The following DNAH11 variants were observed in gnomAD, a reference collection of about 807,000 sequenced individuals.
DNAH11 encodes dynein axonemal heavy chain 11.
DNAH11 carries 442 observed loss-of-function variants against 526.0 expected under a neutral mutation model. The ratio of observed to expected loss-of-function variants is 0.84; its 90% CI spans 0.78 to 0.91. The LOEUF is 0.91. Ranked by LOEUF, DNAH11 falls within the 40% of genes least tolerant of loss-of-function variation. The pLI, the probability that DNAH11 is intolerant of heterozygous loss-of-function variation, is 0.00. For synonymous variants in DNAH11, 2,461 were observed against 1,935.9 expected (o/e 1.27, Z -7.12); for missense variants, 6,989 against 5,448.7 (o/e 1.28, Z -8.90).
chr7:21,545,306 A>G (rs1038041337), intron 2 of DNAH11, among the ~76,000 whole-genome samples, 157 bp downstream of exon 2: 2 of 128,334 alleles, frequency 1.6e-5, no homozygotes, highest in Non-Finnish European at 3.3e-5. Flanking sequence ...AGCTTGTAGA[A>G]GCCAGGAGTC....
In DNAH11 at chr7:21,852,423, A is replaced by AAG. The variant is rs1554288666; in HGVS notation, c.10897-44_10897-43insAG. The AAG allele has an allele frequency of 2.6e-6, 4 of 1,541,728 alleles. No homozygotes were observed. The South Asian group carries it at 3.7e-5, about 14-fold the overall frequency. On this transcript the variant is annotated intron_variant, in intron 66 of 81. Coordinates refer to ENST00000409508, the MANE Select transcript of DNAH11 (RefSeq NM_001277115.2). ...CTTCCTCTAAAAAAAAAAAAAAAAA[A>AAG]GTACTTAACCACCATTTCCCACACT...
At chr7:21,602,231 C>G (rs535937369) in intron 18 of DNAH11, among the ~76,000 whole-genome samples, 6 of 152,008 alleles carry the variant, frequency 3.9e-5, no homozygotes, top group Non-Finnish European at 8.8e-5. Context: ...TCCACCTACT[C>G]AGGAGGCTGA....
chr7:21,876,370 T>C (rs1006723759), intron 74 of DNAH11, among the ~76,000 whole-genome samples: 2 of 152,250 alleles, frequency 1.3e-5, no homozygotes, highest in African/African-American at 4.8e-5. Context: ...TAGAGTCTTT[T>C]ATGAATGCTG....
At chr7:21,753,422 T>G (rs1287591084) in intron 54 of DNAH11, among the ~76,000 whole-genome samples, 2 of 152,194 alleles carry the variant, frequency 1.3e-5, no homozygotes, top group African/African-American at 4.8e-5. Flanking sequence ...TGGAATAGTT[T>G]TAAAAAGGAG....
chr7:21,850,104 C>T (rs1391619226), intron 66 of DNAH11, among the ~76,000 whole-genome samples: 1 of 151,634 alleles, frequency 6.6e-6, no homozygotes, highest in Admixed American at 6.6e-5. Context: ...CGCCTGTAAT[C>T]CCAGCACTTT....
intron 62 of DNAH11, among the ~76,000 whole-genome samples, chr7:21,804,068 T>C (rs1789130149): frequency 6.8e-6 from 1 of 147,532 alleles, no homozygotes; most frequent in Non-Finnish European, 1.5e-5. Flanking sequence ...TAGCCTCATT[T>C]CTTGTAGTAG....
intron 74 of DNAH11, among the ~76,000 whole-genome samples, chr7:21,878,211 G>T (rs1783791361): frequency 6.6e-6 from 1 of 152,196 alleles, no homozygotes. Context: ...TCTTCAGAAA[G>T]CCTGATTCAT....
intron 63 of DNAH11, 66 bp from the exon 64 acceptor site, chr7:21,816,401 C>G: frequency 7.6e-7 from 1 of 1,313,404 alleles, no homozygotes; most frequent in Non-Finnish European, 1.1e-6. Flanking sequence ...TTGTTCTCTT[C>G]TTTTCTTGTC....
chr7:21,668,903 A>G (rs953800000), intron 30 of DNAH11, among the ~76,000 whole-genome samples: 2 of 152,174 alleles, frequency 1.3e-5, no homozygotes, highest in African/African-American at 4.8e-5. Flanking sequence ...CATTTAAGAA[A>G]CAGTCAAACA....
At chr7:21,567,062 C>G (rs1391522718) in intron 6 of DNAH11, among the ~76,000 whole-genome samples, 1 of 152,140 alleles carries the variant, frequency 6.6e-6, no homozygotes, top group Non-Finnish European at 1.5e-5. Flanking sequence ...AGGGTACAAT[C>G]TTTTCATGGC....
In DNAH11 at chr7:21,825,770, G is replaced by A. The variant is rs138058216; in HGVS notation, c.10691+7431G>A. Among the ~76,000 whole-genome samples, 1,480 of 151,970 alleles carry A rather than the reference G, an allele frequency of 9.7e-3. 28 individuals carry two copies. Among genetic ancestry groups the A allele is most frequent in the African/African-American group, 0.033 (1,367 of 41,448 alleles). On this transcript the variant is annotated intron_variant, in intron 65 of 81. Transcript: ENST00000409508. ...GTCAGGAGATCGAGACCAACCTGGC[G>A]AACACGGTGAAACCCCTTCTCTACT...
chr7:21,829,606 T>A (rs1207526788), intron 65 of DNAH11, among the ~76,000 whole-genome samples: 6 of 152,236 alleles, frequency 3.9e-5, no homozygotes, highest in Non-Finnish European at 5.9e-5. Context: ...TGGTGTTTGT[T>A]CAGGTACTCA....
At chr7:21,790,017 C>T (rs115386273) in intron 61 of DNAH11, among the ~76,000 whole-genome samples, 1,969 of 150,516 alleles carry the variant, frequency 0.013, 33 homozygotes, top group African/African-American at 0.04. Context: ...CAACCAATCA[C>T]CTAGGTATTA....
chr7:21,669,967 A>G (rs1315063251), intron 30 of DNAH11, among the ~76,000 whole-genome samples: 2 of 152,062 alleles, frequency 1.3e-5, no homozygotes, highest in East Asian at 3.8e-4. Flanking sequence ...TTTTATATAT[A>G]CCTTCCAACT....
At chr7:21,559,469 C>T in intron 3 of DNAH11, 134 bp from the exon 4 acceptor site, 1 of 734,758 alleles carries the variant, frequency 1.4e-6, no homozygotes, top group Non-Finnish European at 2.2e-6. Context: ...CAAATCAAGA[C>T]CATAAAAATA....
chr7:21,857,996 A>G (rs992940673), intron 68 of DNAH11, among the ~76,000 whole-genome samples: 9 of 151,424 alleles, frequency 5.9e-5, no homozygotes, highest in Non-Finnish European at 8.8e-5. Flanking sequence ...GCCACAGACA[A>G]GCAAAGACAA....
intron 66 of DNAH11, among the ~76,000 whole-genome samples, chr7:21,850,055 G>A (rs1216229727): frequency 6.7e-6 from 1 of 150,136 alleles, no homozygotes; most frequent in Non-Finnish European, 1.5e-5. Context: ...TTACTCATGA[G>A]CCCGTCAAAA....
At chr7:21,761,444 A>C (rs1583667153) in intron 54 of DNAH11, among the ~76,000 whole-genome samples, 2 of 152,338 alleles carry the variant, frequency 1.3e-5, no homozygotes, top group Admixed American at 1.3e-4. Flanking sequence ...GTAGAGACCT[A>C]GATTCTACGC....
chr7:21,777,582 G>A (rs775634877), intron 56 of DNAH11, among the ~76,000 whole-genome samples: 1 of 152,064 alleles, frequency 6.6e-6, no homozygotes, highest in Non-Finnish European at 1.5e-5. Flanking sequence ...ATAATTTGGT[G>A]GCATCTCTAA....
Sources: gnomAD v4.1 joint callset for allele counts (sites outside exome capture counted in the v4.1 genomes callset) on GRCh38, gnomAD v4.1.1 for gene constraint, MANE v1.5 for transcripts, NCBI Gene and HGNC (gene_info 2026-07-23, HGNC 2026-07-21) for gene names.